The following ALX4 variants were observed in gnomAD, a reference collection of about 807,000 sequenced individuals.
ALX4 encodes homeobox protein aristaless-like 4.
Under a neutral mutation model 40.6 loss-of-function variants are expected in ALX4, and 22 were observed. That is an observed-to-expected ratio of 0.54 (90% CI 0.39 to 0.77). ALX4 has a LOEUF of 0.77. Ranked by LOEUF, ALX4 falls within the 30% of genes least tolerant of loss-of-function variation. The pLI is 0.00. For missense variants in ALX4, 556 were observed against 564.8 expected (o/e 0.98, Z 0.16); for synonymous variants, 266 against 240.5 (o/e 1.11, Z -0.98).
intron 1 of ALX4, 33 bp from the exon 2 acceptor site, chr11:44,275,691 T>C: frequency 6.2e-7 from 1 of 1,604,656 alleles, no homozygotes; most frequent in Non-Finnish European, 8.5e-7. Context: ...CAGAAACCAA[T>C]GGTTGAACCA....
Position 44,310,126 on chromosome 11 carries a change from T to A in ALX4, c.-64A>T. On this transcript the variant is annotated 5_prime_UTR_variant, in exon 1 of 4. The change creates a new upstream start codon in the 5' untranslated region. Transcript: ENST00000652299. ...GGGCGCGAGGACGCCACCGCGCGCC[T>A]TGGCTGGGAGTTTGGGGAGGCGAGG... is the stretch of plus-strand genomic sequence containing the variant. The A allele has an allele frequency of 2.0e-6, 3 of 1,513,858 alleles. No homozygotes were observed. Among genetic ancestry groups the A allele is most frequent in the Non-Finnish European group, 2.7e-6 (3 of 1,127,938 alleles). 93.8% of individuals were successfully genotyped at this position (1,513,858 alleles called of 1,614,324 possible).
chr11:44,292,187 A>T (rs879798047), intron 1 of ALX4, among the ~76,000 whole-genome samples: 9 of 152,080 alleles, frequency 5.9e-5, no homozygotes, highest in Non-Finnish European at 1.3e-4. Context: ...CTCCCCTTGG[A>T]TGAGAAAGGG....
intron 2 of ALX4, among the ~76,000 whole-genome samples, chr11:44,274,069 G>A (rs994111096): frequency 1.3e-5 from 2 of 152,216 alleles, no homozygotes; most frequent in Non-Finnish European, 2.9e-5. Flanking sequence ...TAGCCTAGGA[G>A]TTTGAGGCTG....
At chr11:44,275,044 A>G (rs901440074) in intron 2 of ALX4, among the ~76,000 whole-genome samples, 2 of 152,152 alleles carry the variant, frequency 1.3e-5, no homozygotes, top group South Asian at 4.1e-4. Flanking sequence ...GGACTCTTAC[A>G]CTGTGTAAAG....
intron 1 of ALX4, among the ~76,000 whole-genome samples, chr11:44,281,614 C>T (rs977359217): frequency 3.9e-5 from 6 of 152,132 alleles, no homozygotes; most frequent in African/African-American, 9.6e-5. Flanking sequence ...AACAGGCCAG[C>T]ATGAGGCCCT....
chr11:44,269,094 C>G (rs1375783678), intron 2 of ALX4, among the ~76,000 whole-genome samples: 1 of 152,236 alleles, frequency 6.6e-6, no homozygotes, highest in Non-Finnish European at 1.5e-5. Flanking sequence ...TCCTCTGCCT[C>G]AGAGCCTTTG....
chr11:44,291,798 G>T (rs985451009), intron 1 of ALX4, among the ~76,000 whole-genome samples: 7 of 152,164 alleles, frequency 4.6e-5, no homozygotes, highest in African/African-American at 1.7e-4. Flanking sequence ...TTTCTCAAAT[G>T]TGCTCCTTCT....
chr11:44,307,024 C>A (rs1400757802), intron 1 of ALX4, among the ~76,000 whole-genome samples: 2 of 152,198 alleles, frequency 1.3e-5, no homozygotes, highest in African/African-American at 4.8e-5. Context: ...GAGTGGCGTC[C>A]TGCCGGTAGT....
intron 1 of ALX4, among the ~76,000 whole-genome samples, chr11:44,293,103 G>A (rs1357754343): frequency 6.5e-4 from 2 of 3,080 alleles, no homozygotes; most frequent in African/African-American, 9.5e-4. Flanking sequence ...TCTGAGAGAA[G>A]GAAGGAAGGA....
chr11:44,274,414 T>C (rs1456488861), intron 2 of ALX4, among the ~76,000 whole-genome samples: 3 of 151,992 alleles, frequency 2.0e-5, no homozygotes, highest in African/African-American at 4.8e-5. Flanking sequence ...AGTTGAGTTC[T>C]ATTGGGTTGT....
At chr11:44,307,605 G>C (rs905176753) in intron 1 of ALX4, among the ~76,000 whole-genome samples, 1 of 152,250 alleles carries the variant, frequency 6.6e-6, no homozygotes, top group African/African-American at 2.4e-5. Flanking sequence ...AGTGGAGAGA[G>C]AGCATGAGCT....
intron 2 of ALX4, among the ~76,000 whole-genome samples, chr11:44,268,656 G>A (rs766133732): frequency 2.2e-4 from 33 of 152,196 alleles, no homozygotes; most frequent in Non-Finnish European, 3.8e-4. Context: ...AAGAGCAAGA[G>A]CTGCCCTACC....
At chr11:44,306,576 T>G (rs1163299294) in intron 1 of ALX4, among the ~76,000 whole-genome samples, 1 of 152,264 alleles carries the variant, frequency 6.6e-6, no homozygotes, top group African/African-American at 2.4e-5. Flanking sequence ...AGGTCTCAGC[T>G]GCCTGCCTGA....
chr11:44,297,922 C>T (rs1273106417), intron 1 of ALX4, among the ~76,000 whole-genome samples: 1 of 152,084 alleles, frequency 6.6e-6, no homozygotes, highest in Non-Finnish European at 1.5e-5. Context: ...AGCTCCTATT[C>T]AACTTTCAAG....
chr11:44,270,152 C>T (rs1028012098), intron 2 of ALX4, among the ~76,000 whole-genome samples: 4 of 151,872 alleles, frequency 2.6e-5, no homozygotes, highest in Non-Finnish European at 4.4e-5. Flanking sequence ...AGGGAGGAGC[C>T]ATGTGGGGGA....
Position 44,265,020 on chromosome 11 carries a change from C to A in ALX4, c.1070G>T (p.Ser357Ile), listed in dbSNP as rs1312253070. The change falls in exon 4 of 4, where the codon AGT (serine) becomes ATT (isoleucine). Residue 357 changes from serine to isoleucine, a missense_variant. Ser to Ile is a moderately radical substitution (Grantham distance 142). Transcript: ENST00000652299. ...TDFLSVSGAG[S>I]HVGQTHMGSL... ...GCCCATGTGCGTCTGGCCCACGTGACTGCCAGCCCCAGACACACTCAGGAA... is the reference window on the plus strand; with the variant it reads ...GCCCATGTGCGTCTGGCCCACGTGAATGCCAGCCCCAGACACACTCAGGAA... 1 of 1,612,976 alleles carries A rather than the reference C, an allele frequency of 6.2e-7. No homozygotes were observed. The highest frequency in any genetic ancestry group is 1.3e-5 in the African/African-American group (1 of 74,932).
At chr11:44,296,140 A>G (rs1956401302) in intron 1 of ALX4, among the ~76,000 whole-genome samples, 1 of 152,222 alleles carries the variant, frequency 6.6e-6, no homozygotes, top group Non-Finnish European at 1.5e-5. Flanking sequence ...CAGAATAGAG[A>G]CCAGATGTAA....
intron 1 of ALX4, among the ~76,000 whole-genome samples, chr11:44,281,505 C>T (rs1344826989): frequency 3.3e-5 from 5 of 151,988 alleles, no homozygotes; most frequent in Admixed American, 3.3e-4. Context: ...CTCCAAACAT[C>T]TGCTTTGTGG....
intron 3 of ALX4, among the ~76,000 whole-genome samples, 158 bp from the exon 4 acceptor site, chr11:44,265,341 G>A (rs1295872297): frequency 6.6e-6 from 1 of 152,108 alleles, no homozygotes; most frequent in African/African-American, 2.4e-5. Flanking sequence ...TACCCCTGTG[G>A]GGGTGGCTTT....
Sources: gnomAD v4.1 joint callset for allele counts (sites outside exome capture counted in the v4.1 genomes callset) on GRCh38, gnomAD v4.1.1 for gene constraint, MANE v1.5 for transcripts, NCBI Gene and HGNC (gene_info 2026-07-23, HGNC 2026-07-21) for gene names.